The following MCUB variants were observed in gnomAD, a reference collection of about 807,000 sequenced individuals.
MCUB encodes the protein mitochondrial calcium uniporter dominant negative subunit beta, also known as calcium uniporter regulatory subunit MCUb, mitochondrial.
Under a neutral mutation model 41.4 loss-of-function variants are expected in MCUB, and 46 were observed. The observed-to-expected ratio is 1.11, with a 90% CI of 0.88 to 1.42. The LOEUF is 1.42. Among genes scored for constraint, MCUB ranks in the 40% most tolerant of loss-of-function variants. MCUB has a pLI of 0.00. For missense variants in MCUB, 403 were observed against 404.9 expected, an observed-to-expected ratio of 1.00 and a Z score of 0.04; for synonymous variants, 148 against 148.2, an observed-to-expected ratio of 1.00 and a Z score of 0.01.
At chr4:109,560,501 T>G (rs972971528) in intron 1 of MCUB, 65 bp downstream of exon 1, 1 of 779,622 alleles carries the variant, frequency 1.3e-6, no homozygotes, top group Non-Finnish European at 1.7e-6. Flanking sequence ...GTTGGACAAC[T>G]TTGGCGGGAG....
chr4:109,593,306 T>C (rs1054956494), intron 1 of MCUB, among the ~76,000 whole-genome samples: 3 of 100,132 alleles, frequency 3.0e-5, no homozygotes, highest in African/African-American at 1.3e-4. Flanking sequence ...TAAGAAACAG[T>C]ATAGTCCAGT....
intron 1 of MCUB, among the ~76,000 whole-genome samples, chr4:109,572,827 A>T (rs1054205958): frequency 3.9e-5 from 6 of 152,138 alleles, no homozygotes; most frequent in African/African-American, 1.4e-4. Flanking sequence ...TGCTTTATAT[A>T]ATGAAATGGC....
intron 1 of MCUB, among the ~76,000 whole-genome samples, chr4:109,657,630 G>A (rs1284531318): frequency 6.6e-6 from 1 of 152,114 alleles, no homozygotes; most frequent in Non-Finnish European, 1.5e-5. Flanking sequence ...AATTTCTCTG[G>A]TACAAGTCCT....
At chr4:109,649,995 G>A (rs1728924161) in intron 1 of MCUB, among the ~76,000 whole-genome samples, 1 of 152,120 alleles carries the variant, frequency 6.6e-6, no homozygotes, top group South Asian at 2.1e-4. Context: ...CGGCTAACTG[G>A]ATTAAATGAA....
rs1261751306 is a variant in MCUB, at chr4:109,569,283, T to C, written c.99+8847T>C. ...GGATGGTCTCAATCTCCTGACCTTG[T>C]GATCCGCCCGTCTCGGCCTCCCAAA... On this transcript the variant is annotated intron_variant, in intron 1 of 7. Transcript: ENST00000394650. Among the ~76,000 whole-genome samples the C allele has an allele frequency of 2.6e-5, 4 of 152,224 alleles. No homozygotes were observed. The East Asian group carries it at 7.8e-4, about 30-fold the overall frequency.
At chr4:109,609,072 T>G (rs1264299810) in intron 1 of MCUB, among the ~76,000 whole-genome samples, 1 of 93,136 alleles carries the variant, frequency 1.1e-5, no homozygotes, top group Non-Finnish European at 2.9e-5. Flanking sequence ...GGGATCTCTC[T>G]CTCTCTCTCT....
chr4:109,686,651 G>C (rs1163929032), intron 7 of MCUB, among the ~76,000 whole-genome samples: 1 of 152,172 alleles, frequency 6.6e-6, no homozygotes, highest in Non-Finnish European at 1.5e-5. Flanking sequence ...TGAGGTGGGA[G>C]GATCTCGAGT....
intron 4 of MCUB, among the ~76,000 whole-genome samples, chr4:109,680,184 A>G (rs907342225): frequency 6.6e-6 from 1 of 152,188 alleles, no homozygotes; most frequent in Non-Finnish European, 1.5e-5. Flanking sequence ...GTTCAAGGAC[A>G]TAACTCTGGC....
At chr4:109,598,008 A>G (rs1310246948) in intron 1 of MCUB, among the ~76,000 whole-genome samples, 2 of 150,966 alleles carry the variant, frequency 1.3e-5, no homozygotes, top group African/African-American at 4.9e-5. Flanking sequence ...GCGGCCGGGC[A>G]GAGACGCTCT....
intron 1 of MCUB, among the ~76,000 whole-genome samples, chr4:109,575,939 A>G (rs1727016334): frequency 6.6e-6 from 1 of 152,196 alleles, no homozygotes; most frequent in Non-Finnish European, 1.5e-5. Flanking sequence ...CGAATTGGCC[A>G]TCTTAGTCCA....
At position 109,567,564 on chromosome 4, in the gene MCUB, C is replaced by G. The variant is rs190331784; in HGVS notation, c.99+7128C>G. The stretch of plus-strand genomic sequence containing the variant: ...TGGCACGTGCCTGTAATCCCACCAC[C>G]AAGGCTGGCTAATTTTTTGTATTTT... On this transcript the variant is annotated intron_variant, in intron 1 of 7. Coordinates refer to ENST00000394650, the MANE Select transcript of MCUB (RefSeq NM_017918.5). Among the ~76,000 whole-genome samples the G allele has an allele frequency of 6.1e-4, 82 of 133,418 alleles. 1 individual carries two copies. Among genetic ancestry groups the G allele is most frequent in the African/African-American group, 2.3e-3 (79 of 34,864 alleles). 87.5% of individuals were successfully genotyped at this position (133,418 alleles called of 152,430 possible).
At chr4:109,569,075 C>G (rs1011450974) in intron 1 of MCUB, among the ~76,000 whole-genome samples, 2 of 152,116 alleles carry the variant, frequency 1.3e-5, no homozygotes, top group African/African-American at 4.8e-5. Context: ...GAGACAGAGT[C>G]TGGCTCTGTC....
intron 1 of MCUB, among the ~76,000 whole-genome samples, chr4:109,590,471 A>G (rs1727410804): frequency 6.6e-6 from 1 of 152,220 alleles, no homozygotes; most frequent in African/African-American, 2.4e-5. Context: ...TGGAAAGCCC[A>G]TGTAAAAGGA....
At chr4:109,595,308 A>G (rs898898944) in intron 1 of MCUB, among the ~76,000 whole-genome samples, 43 of 152,212 alleles carry the variant, frequency 2.8e-4, no homozygotes, top group African/African-American at 8.7e-4. Flanking sequence ...GAGAGATGAT[A>G]ATTAACCACG....
intron 1 of MCUB, among the ~76,000 whole-genome samples, chr4:109,623,497 T>C (rs1728296826): frequency 6.6e-6 from 1 of 152,202 alleles, no homozygotes; most frequent in Admixed American, 6.5e-5. Context: ...TCAAAGCTTT[T>C]AGGAAGAGCT....
At chr4:109,582,763 A>G (rs974360622) in intron 1 of MCUB, among the ~76,000 whole-genome samples, 2 of 152,146 alleles carry the variant, frequency 1.3e-5, no homozygotes, top group African/African-American at 4.8e-5. Context: ...TAAGGAAGGG[A>G]TCCAGTTTCA....
At chr4:109,562,271 C>G (rs1450909761) in intron 1 of MCUB, among the ~76,000 whole-genome samples, 1 of 152,044 alleles carries the variant, frequency 6.6e-6, no homozygotes, top group Non-Finnish European at 1.5e-5. Flanking sequence ...AACAGGGAAA[C>G]AGTAGTTAGG....
At chr4:109,663,177 C>A (rs1030814999) in intron 3 of MCUB, among the ~76,000 whole-genome samples, 1 of 152,152 alleles carries the variant, frequency 6.6e-6, no homozygotes, top group Non-Finnish European at 1.5e-5. Context: ...AATGTCAGGC[C>A]GGGATTTGAA....
intron 4 of MCUB, among the ~76,000 whole-genome samples, chr4:109,664,995 G>A (rs566915428): frequency 1.1e-4 from 17 of 152,136 alleles, no homozygotes; most frequent in Middle Eastern, 3.4e-3. Flanking sequence ...AAGCAAAATC[G>A]AGCAGAATGT....
Sources: gnomAD v4.1 joint callset for allele counts (sites outside exome capture counted in the v4.1 genomes callset) on GRCh38, gnomAD v4.1.1 for gene constraint, MANE v1.5 for transcripts, NCBI Gene and HGNC (gene_info 2026-07-23, HGNC 2026-07-21) for gene names.